The following SNRNP40 variants were observed in gnomAD, a reference collection of about 807,000 sequenced individuals.
SNRNP40 encodes the protein U5 small nuclear ribonucleoprotein 40 kDa protein.
In SNRNP40, 21 loss-of-function variants were observed where a neutral mutation model predicts 45.8. The observed-to-expected ratio is 0.46, with a 90% CI of 0.32 to 0.66. The LOEUF is 0.66. SNRNP40 is among the 30% of genes least tolerant of loss of function. The pLI, the probability that SNRNP40 is intolerant of heterozygous loss-of-function variation, is 0.03. For synonymous variants in SNRNP40, 142 were observed against 163.8 expected, an observed-to-expected ratio of 0.87 and a Z score of 1.01; for missense variants, 344 against 439.1, an observed-to-expected ratio of 0.78 and a Z score of 1.94.
At chr1:31,271,253 C>G in intron 6 of SNRNP40, 126 bp downstream of exon 6, 1 of 948,148 alleles carries the variant, frequency 1.1e-6, no homozygotes, top group Non-Finnish European at 1.6e-6. Flanking sequence ...GACTACAGTC[C>G]TAGATTCTTG....
intron 8 of SNRNP40, chr1:31,263,423 C>T (rs1645875346): frequency 5.6e-6 from 1 of 180,008 alleles, no homozygotes; most frequent in Non-Finnish European, 1.2e-5. Flanking sequence ...AAGCAATCCT[C>T]CTGCCTTCAC....
Position 31,291,933 on chromosome 1 carries a change from C to A in SNRNP40, c.345G>T (p.Leu115Phe). ...CTCACCTGCCATCTGTGTTGTAATGCAATTCCATCACTGCTCCACTGTGTC... is the reference window on the plus strand; with the variant it reads ...CTCACCTGCCATCTGTGTTGTAATGAAATTCCATCACTGCTCCACTGTGTC... ...LKGHSGAVMELHYNTDGSMLF... is the reference protein window; with the variant it reads ...LKGHSGAVMEFHYNTDGSMLF... Residue 115 changes from leucine (L) to phenylalanine (F), a missense_variant, in exon 3 of 10, where the codon TTG becomes TTT. By Grantham distance (22) the Leu-to-Phe change is conservative (BLOSUM62 0). Around this residue, in one of 2 missense-constraint regions of SNRNP40, gnomAD observed 254 missense variants for 380.2 expected, o/e 0.67. Transcript: ENST00000263694. 6.2e-7 allele frequency: 1 copy of A among 1,610,246 alleles called. No homozygotes were observed. Among genetic ancestry groups the A allele is most frequent in the Non-Finnish European group, 8.5e-7 (1 of 1,176,446 alleles).
intron 4 of SNRNP40, 154 bp from the exon 5 acceptor site, chr1:31,281,650 A>T: frequency 1.7e-6 from 1 of 579,412 alleles, no homozygotes; most frequent in Non-Finnish European, 2.7e-6. Flanking sequence ...AATAACACAC[A>T]TGGTAAGCAG....
At chr1:31,288,069 T>G (rs111876296) in intron 4 of SNRNP40, among the ~76,000 whole-genome samples, 14,052 of 150,276 alleles carry the variant, frequency 0.094, 2,187 homozygotes, top group African/African-American at 0.32. Context: ...AGGCTGAGGC[T>G]GGGGAATCAC....
chr1:31,293,134 A>G (rs1305879645), intron 2 of SNRNP40, 85 bp downstream of exon 2: 2 of 1,455,936 alleles, frequency 1.4e-6, no homozygotes, highest in Non-Finnish European at 1.9e-6. Context: ...ACATAGAGTG[A>G]TACCTTCTGT....
intron 6 of SNRNP40, chr1:31,269,651 C>T: frequency 3.4e-6 from 1 of 295,838 alleles, no homozygotes; most frequent in East Asian, 5.7e-5. Flanking sequence ...TTACATCGCC[C>T]TTTCCTAATT....
At chr1:31,275,024 T>C (rs1645965392) in intron 5 of SNRNP40, among the ~76,000 whole-genome samples, 1 of 152,120 alleles carries the variant, frequency 6.6e-6, no homozygotes, top group Admixed American at 6.6e-5. Flanking sequence ...ACACAAGGGC[T>C]CAAGACTGGT....
chr1:31,287,612 C>T (rs780720091), intron 4 of SNRNP40, among the ~76,000 whole-genome samples: 13 of 152,180 alleles, frequency 8.5e-5, no homozygotes, highest in Non-Finnish European at 1.6e-4. Context: ...TAGGTCAGAG[C>T]TCTGGTTTAG....
intron 5 of SNRNP40, among the ~76,000 whole-genome samples, chr1:31,277,579 T>C (rs1212425197): frequency 6.6e-6 from 1 of 150,758 alleles, no homozygotes; most frequent in South Asian, 2.1e-4. Context: ...ATATATACAG[T>C]ACACAAACAA....
At chr1:31,282,477 A>G (rs1646023950) in intron 4 of SNRNP40, 1 of 27,554 alleles carries the variant, frequency 3.6e-5, no homozygotes, top group Non-Finnish European at 6.9e-5. Context: ...CTATCTATCT[A>G]TCTATGTATC....
intron 4 of SNRNP40, among the ~76,000 whole-genome samples, chr1:31,284,548 C>A (rs997143081): frequency 2.0e-5 from 3 of 152,180 alleles, no homozygotes; most frequent in Non-Finnish European, 2.9e-5. Context: ...AAATGAATGA[C>A]ACACTTGAGA....
At chr1:31,292,274 A>T (rs2148391856) in intron 2 of SNRNP40, among the ~76,000 whole-genome samples, 1 of 152,310 alleles carries the variant, frequency 6.6e-6, no homozygotes, top group East Asian at 1.9e-4. Flanking sequence ...AGGCAGGAGA[A>T]TCACTTGAAC....
intron 8 of SNRNP40, among the ~76,000 whole-genome samples, chr1:31,265,130 GT>G (rs5773349): frequency 0.55 from 82,901 of 151,136 alleles, 23,667 homozygotes; most frequent in Non-Finnish European, 0.63. Flanking sequence ...ATGTGATTTT[GT>G]TTTTTTTTAA....
intron 5 of SNRNP40, among the ~76,000 whole-genome samples, chr1:31,278,222 T>C (rs370448131): frequency 6.6e-6 from 1 of 152,204 alleles, no homozygotes; most frequent in East Asian, 1.9e-4. Flanking sequence ...ATTTGTGCTG[T>C]ATAGCACTAT....
intron 4 of SNRNP40, among the ~76,000 whole-genome samples, chr1:31,282,636 C>CTATCTATG (rs1317823500): frequency 1.3e-5 from 2 of 151,324 alleles, no homozygotes; most frequent in South Asian, 2.1e-4. Flanking sequence ...CTATATCTAT[C>CTATCTATG]TATCTATGTA....
intron 3 of SNRNP40, 35 bp from the exon 4 acceptor site, chr1:31,289,454 G>A (rs1274976484): frequency 6.3e-7 from 1 of 1,578,190 alleles, no homozygotes; most frequent in Non-Finnish European, 8.7e-7. Flanking sequence ...AAAGAAATAA[G>A]TGAAGATAAA....
At position 31,269,028 on chromosome 1, in the gene SNRNP40, T is replaced by C. The variant is rs564593132; in HGVS notation, c.858+130A>G. On this transcript the variant is annotated intron_variant, in intron 7 of 9. Coordinates refer to ENST00000263694, the MANE Select transcript of SNRNP40 (RefSeq NM_004814.3). ...TCCGTTTTATTTTTGGCAACAAGTT[T>C]TAATTAAGAGCAGTGTTATTGGAAT... is the stretch of plus-strand genomic sequence containing the variant. 16 of 834,922 alleles carry C rather than the reference T, an allele frequency of 1.9e-5. No individual in the cohort carries two copies. The South Asian group carries it at 4.4e-4, about 23-fold the overall frequency. 51.7% of individuals were successfully genotyped at this position (834,922 alleles called of 1,614,324 possible). A position where few individuals can be genotyped will look rare whatever the true frequency, so the allele number is the denominator to read the frequency against.
Position 31,271,391 on chromosome 1 carries a change from T to G in SNRNP40, c.763A>C (p.Met255Leu). ...SEGSYLLSNA[M>L]DNTVRVWDVR... ...TTTCCAAAGTTACCTGTATTGTCCA[T>G]TGCATTGGACAAAAGATAAGAGCCT... Residue 255 changes from methionine to leucine, a missense_variant, in exon 6 of 10, where the codon ATG becomes CTG. Transcript: ENST00000263694. 1.2e-6 allele frequency: 2 copies of G among 1,612,672 alleles called. No homozygotes were observed. Among genetic ancestry groups the G allele is most frequent in the Non-Finnish European group, 8.5e-7 (1 of 1,179,554 alleles).
intron 8 of SNRNP40, chr1:31,263,610 GAT>G: frequency 2.1e-6 from 1 of 466,838 alleles, no homozygotes; most frequent in Admixed American, 2.4e-5. Flanking sequence ...GAACTGCTGA[GAT>G]TTTATGAGCT....
Sources: gnomAD v4.1 joint callset for allele counts (sites outside exome capture counted in the v4.1 genomes callset) on GRCh38, gnomAD v4.1.1 for gene constraint, gnomAD v4.1.1 regional missense constraint, MANE v1.5 for transcripts, NCBI Gene and HGNC (gene_info 2026-07-23, HGNC 2026-07-21) for gene names.